The following STXBP5L variants were observed in gnomAD, a reference collection of about 807,000 sequenced individuals.
The protein encoded by STXBP5L is syntaxin binding protein 5L, also known as syntaxin-binding protein 5-like.
Under a neutral mutation model 144.5 loss-of-function variants are expected in STXBP5L, and 65 were observed. That is an observed-to-expected ratio of 0.45 (90% confidence interval 0.37 to 0.55). The LOEUF (loss-of-function observed/expected upper bound fraction) is 0.55, where lower values mean the gene tolerates loss of function less well. Among genes scored for constraint, STXBP5L ranks in the 20% least tolerant of loss-of-function variants. STXBP5L has a pLI of 0.00. For missense variants in STXBP5L, 1,298 were observed against 1,405.5 expected (o/e 0.92, Z 1.22); for synonymous variants, 505 against 469.6 (o/e 1.08, Z -0.97).
chr3:120,947,516 G>A (rs1029706456), intron 2 of STXBP5L, among the ~76,000 whole-genome samples: 1 of 151,712 alleles, frequency 6.6e-6, no homozygotes, highest in Non-Finnish European at 1.5e-5. Flanking sequence ...CATTTCAGTG[G>A]TGTTTGGTAT....
At chr3:121,030,887 A>C (rs1200828573) in intron 3 of STXBP5L, among the ~76,000 whole-genome samples, 1 of 152,120 alleles carries the variant, frequency 6.6e-6, no homozygotes, top group East Asian at 1.9e-4. Context: ...CAAAAAAGAA[A>C]GGGAGTTTAT....
intron 9 of STXBP5L, among the ~76,000 whole-genome samples, chr3:121,175,127 T>C (rs2046882207): frequency 6.6e-6 from 1 of 152,096 alleles, no homozygotes; most frequent in Non-Finnish European, 1.5e-5. Context: ...TTAAACTATA[T>C]GACATGTAAC....
intron 10 of STXBP5L, among the ~76,000 whole-genome samples, chr3:121,206,421 G>C (rs932028912): frequency 6.6e-5 from 10 of 152,128 alleles, no homozygotes; most frequent in African/African-American, 2.4e-4. Flanking sequence ...GAAAGATAAA[G>C]TTGTGTATAT....
chr3:121,164,979 A>G (rs1423408603), intron 9 of STXBP5L, among the ~76,000 whole-genome samples: 1 of 152,194 alleles, frequency 6.6e-6, no homozygotes, highest in East Asian at 1.9e-4. Context: ...CATAAGGACT[A>G]AAGTTAATAA....
chr3:121,331,909 CACACCAAGCACAT>C (rs2044332186), intron 20 of STXBP5L, among the ~76,000 whole-genome samples: 1 of 152,098 alleles, frequency 6.6e-6, no homozygotes, highest in South Asian at 2.1e-4. Flanking sequence ...AACCTGCTCA[CACACCAAGCACAT>C]TGCCACCACA....
intron 22 of STXBP5L, among the ~76,000 whole-genome samples, chr3:121,384,132 A>G (rs573376399): frequency 6.6e-6 from 1 of 152,296 alleles, no homozygotes; most frequent in South Asian, 2.1e-4. Context: ...CCAAGCCCAT[A>G]CCACCGAAAT....
intron 19 of STXBP5L, chr3:121,282,144 G>C: frequency 1.5e-6 from 1 of 656,680 alleles, no homozygotes; most frequent in African/African-American, 1.8e-5. Context: ...ACCTAATCTT[G>C]CTGCAATTTC....
At chr3:121,217,919 T>A (rs777962600) in intron 10 of STXBP5L, among the ~76,000 whole-genome samples, 1 of 149,716 alleles carries the variant, frequency 6.7e-6, no homozygotes, top group East Asian at 1.9e-4. Flanking sequence ...TCTGTTGGAT[T>A]CTCAACAGTA....
At chr3:121,264,725 GA>G (rs1281153876) in intron 18 of STXBP5L, among the ~76,000 whole-genome samples, 1 of 150,988 alleles carries the variant, frequency 6.6e-6, no homozygotes, top group African/African-American at 2.4e-5. Flanking sequence ...CTATATTCAG[GA>G]GACCCATTGT....
At chr3:121,212,691 A>C (rs1288352016) in intron 10 of STXBP5L, among the ~76,000 whole-genome samples, 2 of 152,194 alleles carry the variant, frequency 1.3e-5, no homozygotes, top group African/African-American at 4.8e-5. Context: ...TGTCTTGGCT[A>C]TACAGGCTCT....
At chr3:120,997,497 A>G (rs1355933787) in intron 3 of STXBP5L, among the ~76,000 whole-genome samples, 4 of 152,138 alleles carry the variant, frequency 2.6e-5, no homozygotes, top group African/African-American at 4.8e-5. Context: ...GGTATGATAT[A>G]TTTTATTGTG....
At chr3:121,346,578 A>T (rs2044996424) in intron 20 of STXBP5L, among the ~76,000 whole-genome samples, 1 of 152,088 alleles carries the variant, frequency 6.6e-6, no homozygotes. Context: ...ACAGTGTAAA[A>T]GTGTTCCTAC....
In STXBP5L at chr3:120,915,528, TTAAG is replaced by T. The variant is rs538374462; in HGVS notation, c.189+5764_189+5767del. Among the ~76,000 whole-genome samples, 175 of 152,288 alleles carry T rather than the reference TTAAG, an allele frequency of 1.1e-3. 1 individual carries two copies. Among genetic ancestry groups the T allele is most frequent in the Admixed American group, 2.5e-3 (39 of 15,306 alleles). On this transcript the variant is annotated intron_variant, in intron 2 of 26. Transcript: ENST00000471454. ...GAAAAATGGAACTTTTTGTTCCTACTTAAGTATCAAAATGATGATCTTTATAAAA... is the reference window on the plus strand; with the variant it reads ...GAAAAATGGAACTTTTTGTTCCTACTTATCAAAATGATGATCTTTATAAAA...
intron 11 of STXBP5L, among the ~76,000 whole-genome samples, chr3:121,232,892 G>A (rs2049352906): frequency 6.6e-6 from 1 of 152,108 alleles, no homozygotes; most frequent in Non-Finnish European, 1.5e-5. Flanking sequence ...TCCTTCCCTG[G>A]TGTGATACCA....
intron 3 of STXBP5L, among the ~76,000 whole-genome samples, chr3:120,977,382 G>A (rs182718360): frequency 6.6e-6 from 1 of 151,710 alleles, no homozygotes; most frequent in African/African-American, 2.4e-5. Context: ...GCCTTTTTTT[G>A]TTTTCCATTT....
At chr3:121,027,416 G>C (rs1232832443) in intron 3 of STXBP5L, among the ~76,000 whole-genome samples, 5 of 152,090 alleles carry the variant, frequency 3.3e-5, no homozygotes, top group Non-Finnish European at 7.4e-5. Flanking sequence ...CAGTTTTGGA[G>C]ATCAGAATCC....
chr3:121,199,438 A>G (rs1244828257), intron 9 of STXBP5L, among the ~76,000 whole-genome samples: 1 of 152,106 alleles, frequency 6.6e-6, no homozygotes, highest in African/African-American at 2.4e-5. Flanking sequence ...CAGAGACAAT[A>G]TGACTTCCTC....
intron 5 of STXBP5L, among the ~76,000 whole-genome samples, chr3:121,078,893 C>G (rs2042139271): frequency 6.6e-6 from 1 of 152,252 alleles, no homozygotes; most frequent in Admixed American, 6.5e-5. Context: ...TCCAGCTGGC[C>G]CGCAATTGCC....
chr3:121,040,493 C>G (rs1026469201), intron 3 of STXBP5L, among the ~76,000 whole-genome samples: 4 of 151,970 alleles, frequency 2.6e-5, no homozygotes, highest in African/African-American at 9.7e-5. Flanking sequence ...GATGCTTTTT[C>G]TTCTTGGTTT....
Sources: allele counts gnomAD v4.1 joint callset (sites outside exome capture counted in the v4.1 genomes callset), GRCh38; gene constraint gnomAD v4.1.1; transcripts MANE v1.5; gene names NCBI Gene and HGNC (gene_info 2026-07-23, HGNC 2026-07-21).